The following FOXP2 variants were observed in gnomAD, a reference collection of about 807,000 sequenced individuals.
FOXP2 encodes the protein forkhead box protein P2.
FOXP2 carries 12 observed loss-of-function variants against 115.8 expected under a neutral mutation model. The ratio of observed to expected loss-of-function variants is 0.10; its 90% confidence interval spans 0.07 to 0.17. The LOEUF is 0.17. Among genes scored for constraint, FOXP2 ranks in the 10% least tolerant of loss-of-function variants. FOXP2 has a pLI of 1.00. For synonymous variants in FOXP2, 328 were observed against 297.7 expected (o/e 1.10, Z -1.05); for missense variants, 629 against 843.5 (o/e 0.75, Z 3.15).
intron 3 of FOXP2, among the ~76,000 whole-genome samples, chr7:114,582,820 C>T (rs1388760149): frequency 6.6e-6 from 1 of 152,044 alleles, no homozygotes; most frequent in African/African-American, 2.4e-5. Flanking sequence ...TTCTTTTTTA[C>T]TGTATTGTCA....
chr7:114,173,188 A>G (rs1455397648), intron 1 of FOXP2, among the ~76,000 whole-genome samples: 8 of 151,980 alleles, frequency 5.3e-5, no homozygotes, highest in Admixed American at 4.6e-4. Context: ...AATACTTAAT[A>G]TTTAATCTAA....
chr7:114,302,353 A>G (rs556180400), intron 2 of FOXP2, among the ~76,000 whole-genome samples: 30 of 152,252 alleles, frequency 2.0e-4, no homozygotes, highest in African/African-American at 7.2e-4. Context: ...ATATGTACAA[A>G]TATTCATGTA....
rs1243690647 is a variant in FOXP2, at chr7:114,644,724, T to C, written c.1029T>C (p.Tyr343=). The C allele has an allele frequency of 6.2e-7, 1 of 1,614,004 alleles. No homozygotes were observed. Among genetic ancestry groups the C allele is most frequent in the South Asian group, 1.1e-5 (1 of 91,086 alleles). ...AGACTGGGGCCTCTCACACTCTCTA[T>C]GGCCATGGAGTTTGCAAATGGCCAG... ...HEETGASHTL[Y]GHGVCKWPGC... Residue 343 remains tyrosine (Y), a synonymous_variant, in exon 8 of 17, where the codon TAT becomes TAC. Transcript: ENST00000350908.
intron 1 of FOXP2, among the ~76,000 whole-genome samples, chr7:114,209,513 TCCA>T (rs1794290815): frequency 6.6e-6 from 1 of 152,164 alleles, no homozygotes; most frequent in South Asian, 2.1e-4. Flanking sequence ...TATTGAAAGG[TCCA>T]CTTTTAGTCT....
chr7:114,375,832 A>C (rs1792125414), intron 2 of FOXP2, among the ~76,000 whole-genome samples: 1 of 152,194 alleles, frequency 6.6e-6, no homozygotes, highest in Admixed American at 6.5e-5. Flanking sequence ...TAAAAGACTC[A>C]AGTGTCATTT....
intron 2 of FOXP2, among the ~76,000 whole-genome samples, chr7:114,303,422 G>A (rs1197686454): frequency 2.0e-5 from 3 of 152,170 alleles, no homozygotes; most frequent in Non-Finnish European, 4.4e-5. Context: ...CTTATAAAGT[G>A]AATTTGAAAG....
intron 3 of FOXP2, among the ~76,000 whole-genome samples, chr7:114,556,609 G>T (rs975703671): frequency 3.3e-5 from 5 of 152,250 alleles, no homozygotes; most frequent in African/African-American, 7.2e-5. Flanking sequence ...ATTGAATCAA[G>T]TTCTAATCCA....
chr7:114,239,420 C>G (rs1313600697), intron 1 of FOXP2, among the ~76,000 whole-genome samples: 3 of 152,014 alleles, frequency 2.0e-5, no homozygotes, highest in African/African-American at 7.2e-5. Flanking sequence ...CTTTTAATAT[C>G]TTTTATTCAT....
intron 2 of FOXP2, among the ~76,000 whole-genome samples, chr7:114,527,605 G>C (rs2129273366): frequency 6.6e-6 from 1 of 152,130 alleles, no homozygotes; most frequent in African/African-American, 2.4e-5. Flanking sequence ...CCTCAACCTA[G>C]AGCTCTGCAT....
intron 2 of FOXP2, among the ~76,000 whole-genome samples, chr7:114,291,320 C>T (rs544430625): frequency 1.3e-5 from 2 of 152,202 alleles, no homozygotes; most frequent in Admixed American, 1.3e-4. Flanking sequence ...GCTCCATCTT[C>T]ATGGCCTAAC....
intron 3 of FOXP2, among the ~76,000 whole-genome samples, chr7:114,623,520 G>C (rs1563041270): frequency 6.6e-6 from 1 of 151,918 alleles, no homozygotes; most frequent in Non-Finnish European, 1.5e-5. Flanking sequence ...GACAGAGTGA[G>C]ATTAGAAGTT....
intron 11 of FOXP2, 75 bp downstream of exon 11, chr7:114,658,342 C>G: frequency 7.0e-7 from 1 of 1,423,336 alleles, no homozygotes; most frequent in Non-Finnish European, 9.8e-7. Context: ...TGTACATGAG[C>G]CATTCCAGAG....
chr7:114,573,421 G>T (rs1368997386), intron 3 of FOXP2, among the ~76,000 whole-genome samples: 1 of 151,664 alleles, frequency 6.6e-6, no homozygotes, highest in Non-Finnish European at 1.5e-5. Flanking sequence ...ATGCCAGAGT[G>T]GTAGTCTGGA....
intron 1 of FOXP2, among the ~76,000 whole-genome samples, chr7:114,116,757 G>A (rs1043891871): frequency 3.9e-5 from 6 of 152,134 alleles, no homozygotes; most frequent in Non-Finnish European, 8.8e-5. Flanking sequence ...AAACATTAAT[G>A]TGGAAGAAAA....
intron 1 of FOXP2, among the ~76,000 whole-genome samples, chr7:114,230,270 C>T (rs968316832): frequency 4.0e-5 from 6 of 151,886 alleles, no homozygotes; most frequent in Admixed American, 6.6e-5. Context: ...CAGACGGTTT[C>T]ACTGGTGAAT....
chr7:114,462,319 G>T (rs1473455364), intron 2 of FOXP2, among the ~76,000 whole-genome samples: 1 of 134,182 alleles, frequency 7.5e-6, no homozygotes, highest in Non-Finnish European at 1.6e-5. Flanking sequence ...AAACACTAAA[G>T]GACAGAAATA....
chr7:114,115,734 C>T (rs1425806162), intron 1 of FOXP2, among the ~76,000 whole-genome samples: 1 of 152,096 alleles, frequency 6.6e-6, no homozygotes, highest in African/African-American at 2.4e-5. Context: ...TTCATAATGA[C>T]ACATTCATCA....
intron 3 of FOXP2, among the ~76,000 whole-genome samples, chr7:114,549,255 T>C (rs1800085479): frequency 6.6e-6 from 1 of 152,198 alleles, no homozygotes; most frequent in Non-Finnish European, 1.5e-5. Context: ...TATATTCCTT[T>C]TGAAGAATCT....
rs1804720209 is a variant in FOXP2, at chr7:114,628,566, T to A, written c.285T>A (p.Thr95=). 6.2e-7 allele frequency: 1 copy of A among 1,613,972 alleles called. No homozygotes were observed. The highest frequency in any genetic ancestry group is 1.3e-5 in the African/African-American group (1 of 74,904). Residue 95 remains threonine, a synonymous_variant, in exon 4 of 17, where the codon ACT becomes ACA. Transcript: ENST00000350908. ...TGCCTGTGTCAGTGGCCATGATGAC[T>A]CCCCAGGTGATCACCCCTCAGCAAA... ...LQVPVSVAMM[T]PQVITPQQMQ...
Sources: gnomAD v4.1 joint callset for allele counts (sites outside exome capture counted in the v4.1 genomes callset) on GRCh38, gnomAD v4.1.1 for gene constraint, MANE v1.5 for transcripts, NCBI Gene and HGNC (gene_info 2026-07-23, HGNC 2026-07-21) for gene names.